Variants in SLC16A2 observed in about 807,000 individuals in gnomAD.
SLC16A2 encodes the protein monocarboxylate transporter 8.
Under a neutral mutation model 27.2 loss-of-function variants are expected in SLC16A2, and 3 were observed. The observed-to-expected ratio is 0.11, with a 90% confidence interval of 0.05 to 0.28. The LOEUF (loss-of-function observed/expected upper bound fraction) is 0.28, where lower values mean the gene tolerates loss of function less well. Among genes scored for constraint, SLC16A2 ranks in the 10% least tolerant of loss-of-function variants. SLC16A2 has a pLI of 1.00. For missense variants in SLC16A2, 295 were observed against 458.5 expected, an observed-to-expected ratio of 0.64 and a Z score of 3.26; for synonymous variants, 202 against 187.8, an observed-to-expected ratio of 1.08 and a Z score of -0.62.
At chrX:74,509,812 C>A (rs1250293364) in intron 1 of SLC16A2, among the ~76,000 whole-genome samples, 2 of 112,425 alleles carry the variant, frequency 1.8e-5, no homozygotes, top group African/African-American at 6.5e-5. Context: ...AGTGATCCAC[C>A]CACCTCGACC....
At chrX:74,479,446 G>A (rs368601142) in intron 1 of SLC16A2, among the ~76,000 whole-genome samples, 8 of 111,746 alleles carry the variant, frequency 7.2e-5, no homozygotes, top group Admixed American at 3.8e-4. Flanking sequence ...CCTTTAGCTC[G>A]GAGTAGTTTG....
At chrX:74,486,462 C>A (rs1266493534) in intron 1 of SLC16A2, among the ~76,000 whole-genome samples, 1 of 112,274 alleles carries the variant, frequency 8.9e-6, no homozygotes, top group Non-Finnish European at 1.9e-5. Flanking sequence ...TCCCTCAAAA[C>A]TGGCCCTTAA....
chrX:74,496,975 C>T (rs960722812), intron 1 of SLC16A2, among the ~76,000 whole-genome samples: 1 of 111,400 alleles, frequency 9.0e-6, no homozygotes, highest in Non-Finnish European at 1.9e-5. Flanking sequence ...CTGTGTTCCT[C>T]CACTGATGCG....
chrX:74,479,149 A>G (rs761081520), intron 1 of SLC16A2, among the ~76,000 whole-genome samples: 52 of 111,852 alleles, frequency 4.6e-4, no homozygotes, highest in Non-Finnish European at 8.1e-4. Context: ...GTCTTTTCAC[A>G]TAGTCCCATA....
chrX:74,492,653 A>T (rs1432702019), intron 1 of SLC16A2, among the ~76,000 whole-genome samples: 1 of 110,483 alleles, frequency 9.1e-6, no homozygotes, highest in Non-Finnish European at 1.9e-5. Flanking sequence ...AGCATTCATT[A>T]CTCATTCATT....
At chrX:74,454,979 G>T (rs773717536) in intron 1 of SLC16A2, among the ~76,000 whole-genome samples, 4 of 112,046 alleles carry the variant, frequency 3.6e-5, no homozygotes, top group Non-Finnish European at 5.6e-5. Context: ...CTTATTATCT[G>T]CATTGTTGGT....
intron 1 of SLC16A2, among the ~76,000 whole-genome samples, chrX:74,477,891 A>C (rs1407410112): frequency 8.9e-6 from 1 of 111,770 alleles, no homozygotes; most frequent in African/African-American, 3.3e-5. Flanking sequence ...TTTGCTGAGG[A>C]GTGCTTTACT....
At chrX:74,521,254 C>A (rs1930401493) in intron 2 of SLC16A2, 120 bp downstream of exon 2, 2 of 857,890 alleles carry the variant, frequency 2.3e-6, no homozygotes, top group Admixed American at 4.6e-5. Context: ...GTAGGGCCCT[C>A]AAAGATCCTG....
intron 1 of SLC16A2, among the ~76,000 whole-genome samples, chrX:74,507,913 G>A (rs888641696): frequency 3.6e-5 from 4 of 112,060 alleles, no homozygotes; most frequent in Non-Finnish European, 5.6e-5. Flanking sequence ...CACTTAGGTT[G>A]ATTCAATATC....
At position 74,498,434 on chromosome X, in the gene SLC16A2, T is replaced by C. The variant is rs1433090923; in HGVS notation, c.431-22556T>C. On this transcript the variant is annotated intron_variant, in intron 1 of 5. Transcript: ENST00000587091. ...TCAACCCAGAGGCAGTCTCAGCACA[T>C]GACCATAGTTTTCCACACCTCTATG... 3.6e-5 allele frequency among the ~76,000 whole-genome samples: 4 copies of C among 110,937 alleles called. No individual in the cohort carries two copies. The Admixed American group carries it at 3.8e-4, about 11-fold the overall frequency.
chrX:74,487,417 G>T (rs1163893140), intron 1 of SLC16A2, among the ~76,000 whole-genome samples: 1 of 111,361 alleles, frequency 9.0e-6, no homozygotes, highest in Non-Finnish European at 1.9e-5. Flanking sequence ...GAGCTGGGTA[G>T]TCCCCTTTAC....
At chrX:74,507,104 A>C (rs1473716847) in intron 1 of SLC16A2, among the ~76,000 whole-genome samples, 1 of 106,517 alleles carries the variant, frequency 9.4e-6, no homozygotes, top group Non-Finnish European at 1.9e-5. Context: ...GTGCCACCAC[A>C]CCTGGCTAAT....
At chrX:74,501,301 C>T (rs768441351) in intron 1 of SLC16A2, among the ~76,000 whole-genome samples, 21 of 111,162 alleles carry the variant, frequency 1.9e-4, no homozygotes, top group African/African-American at 6.5e-4. Flanking sequence ...CCAAACTCTC[C>T]CCAGAGAGAC....
In SLC16A2 at chrX:74,520,923, G is replaced by A. The variant is rs1204397752; in HGVS notation, c.431-67G>A. 6 of 1,149,696 alleles carry A rather than the reference G, an allele frequency of 5.2e-6. No individual in the cohort carries two copies. The African/African-American group carries it at 1.1e-4, about 21-fold the overall frequency. 94.7% of individuals were successfully genotyped at this position (1,149,696 alleles called of 1,213,427 possible). A position where few individuals can be genotyped will look rare whatever the true frequency, so the allele number is the denominator to read the frequency against. ...TGTGAAAGGCCAGAGAAGAAGAGCT[G>A]AGATACCAGCAGTACCACCAGGCAC... On this transcript the variant is annotated intron_variant, in intron 1 of 5. Transcript: ENST00000587091.
chrX:74,511,273 C>T lies in SLC16A2; in HGVS notation c.431-9717C>T, dbSNP rs765838505. Among the ~76,000 whole-genome samples, 506 of 110,707 alleles carry T rather than the reference C, an allele frequency of 4.6e-3. 3 individuals are homozygous for T. Among genetic ancestry groups the T allele is most frequent in the African/African-American group, 0.016 (478 of 30,543 alleles). ...CTCGGCTCACTGAAAGCTCCGCCTC[C>T]CAGGTTCGCGCCATTCTCCTGCCTC... On this transcript the variant is annotated intron_variant, in intron 1 of 5. Transcript: ENST00000587091.
chrX:74,465,598 G>T (rs943916922), intron 1 of SLC16A2, among the ~76,000 whole-genome samples: 2 of 111,714 alleles, frequency 1.8e-5, no homozygotes, highest in African/African-American at 6.5e-5. Context: ...GAGACTGTTT[G>T]TGCACCAGGG....
At chrX:74,501,110 C>T (rs1286915638) in intron 1 of SLC16A2, among the ~76,000 whole-genome samples, 3 of 109,255 alleles carry the variant, frequency 2.7e-5, no homozygotes, top group Non-Finnish European at 3.8e-5. Context: ...TACAATAACC[C>T]TACAATGTGA....
chrX:74,510,428 CTAAAG>C (rs1484558504), intron 1 of SLC16A2, among the ~76,000 whole-genome samples: 1 of 111,734 alleles, frequency 8.9e-6, no homozygotes, highest in Non-Finnish European at 1.9e-5. Context: ...GCCTTAGCTA[CTAAAG>C]TAGATAACTG....
At chrX:74,496,018 C>T (rs1929927026) in intron 1 of SLC16A2, among the ~76,000 whole-genome samples, 1 of 110,862 alleles carries the variant, frequency 9.0e-6, no homozygotes, top group African/African-American at 3.3e-5. Context: ...TGGCTCCTTG[C>T]TCTTCAAGGA....
Sources: allele counts gnomAD v4.1 joint callset (sites outside exome capture counted in the v4.1 genomes callset), GRCh38; gene constraint gnomAD v4.1.1; transcripts MANE v1.5; gene names NCBI Gene and HGNC (gene_info 2026-07-23, HGNC 2026-07-21).